Variants in ARIH2 observed in about 807,000 individuals in gnomAD.
ARIH2 encodes the protein ariadne RBR E3 ubiquitin protein ligase 2.
ARIH2 carries 12 observed loss-of-function variants against 79.8 expected under a neutral mutation model. The observed-to-expected ratio is 0.15, with a 90% CI of 0.10 to 0.24. ARIH2 has a LOEUF of 0.24. Among genes scored for constraint, ARIH2 ranks in the 10% least tolerant of loss-of-function variants. The pLI, the probability that ARIH2 is intolerant of heterozygous loss-of-function variation, is 1.00. For missense variants in ARIH2, 301 were observed against 618.3 expected (o/e 0.49, Z 5.44); for synonymous variants, 224 against 213.9 (o/e 1.05, Z -0.41).
At chr3:48,941,759 A>T (rs2088286049) in intron 3 of ARIH2, among the ~76,000 whole-genome samples, 3 of 149,606 alleles carry the variant, frequency 2.0e-5, no homozygotes, top group Admixed American at 2.0e-4. Flanking sequence ...CGCCCGGCTA[A>T]TTTTTTGTAT....
At chr3:48,941,574 T>C (rs1460341355) in intron 3 of ARIH2, among the ~76,000 whole-genome samples, 1 of 151,954 alleles carries the variant, frequency 6.6e-6, no homozygotes, top group East Asian at 1.9e-4. Context: ...TTATGAACTA[T>C]TGATTTTTCT....
Position 48,968,628 on chromosome 3 carries a change from G to C in ARIH2, c.633G>C (p.Arg211Ser), listed in dbSNP as rs778037511. 60 of 1,610,954 alleles carry C rather than the reference G, an allele frequency of 3.7e-5. No homozygotes were observed. In the South Asian group the frequency reaches 5.8e-4, roughly 16 times the overall value. ...LPNEELREKY[R>S]RYLFRDYVES... is the part of the protein sequence containing the mutation. ...ATGAAGAATTGAGAGAGAAATACAG[G>C]CGCTACCTCTTCAGGGACTATGTGG... Residue 211 changes from arginine to serine, a missense_variant, in exon 7 of 16, where the codon AGG becomes AGC. Physicochemically the swap from Arg to Ser is moderately radical, Grantham distance 110. Coordinates refer to ENST00000356401, the MANE Select transcript of ARIH2 (RefSeq NM_006321.4).
intron 3 of ARIH2, among the ~76,000 whole-genome samples, chr3:48,929,112 A>T (rs2086027362): frequency 6.6e-6 from 1 of 152,236 alleles, no homozygotes; most frequent in African/African-American, 2.4e-5. Context: ...TGGTATTTAA[A>T]ATAAGAAAAG....
At chr3:48,969,612 C>T (rs930826603) in intron 7 of ARIH2, among the ~76,000 whole-genome samples, 4 of 151,670 alleles carry the variant, frequency 2.6e-5, no homozygotes, top group East Asian at 1.9e-4. Flanking sequence ...CTTAGCCTCC[C>T]GAGCAACTGG....
At chr3:48,940,226 T>C (rs1203526526) in intron 3 of ARIH2, among the ~76,000 whole-genome samples, 1 of 151,474 alleles carries the variant, frequency 6.6e-6, no homozygotes, top group Non-Finnish European at 1.5e-5. Context: ...AAAAATTAGC[T>C]GGGCGTGGTG....
intron 1 of ARIH2, among the ~76,000 whole-genome samples, chr3:48,920,168 A>G (rs1260922053): frequency 6.6e-6 from 1 of 151,730 alleles, no homozygotes; most frequent in Non-Finnish European, 1.5e-5. Context: ...TTTTGTGGAT[A>G]CGTGATCTTA....
chr3:48,936,149 G>A (rs2087082160), intron 3 of ARIH2, among the ~76,000 whole-genome samples: 2 of 151,574 alleles, frequency 1.3e-5, no homozygotes. Context: ...GGGGGTTCTT[G>A]TTATTGAGAC....
chr3:48,953,785 C>T (rs1363797926), intron 3 of ARIH2, among the ~76,000 whole-genome samples: 1 of 152,100 alleles, frequency 6.6e-6, no homozygotes, highest in Non-Finnish European at 1.5e-5. Flanking sequence ...CAGCCTCTAC[C>T]TCCTGGGCTC....
At chr3:48,956,723 G>A (rs1282548352) in intron 3 of ARIH2, among the ~76,000 whole-genome samples, 1 of 150,852 alleles carries the variant, frequency 6.6e-6, no homozygotes, top group Admixed American at 6.6e-5. Flanking sequence ...TTTTGAGATG[G>A]AGTTTTGCTC....
At chr3:48,930,614 G>A (rs2086240633) in intron 3 of ARIH2, among the ~76,000 whole-genome samples, 1 of 152,028 alleles carries the variant, frequency 6.6e-6, no homozygotes, top group Non-Finnish European at 1.5e-5. Flanking sequence ...TACCACTCCT[G>A]GCCTGTTTTT....
intron 13 of ARIH2, among the ~76,000 whole-genome samples, chr3:48,981,078 C>T (rs1170061809): frequency 6.8e-6 from 1 of 148,000 alleles, no homozygotes; most frequent in Non-Finnish European, 1.5e-5. Flanking sequence ...GCCTATGATC[C>T]CAGCACTTCG....
intron 11 of ARIH2, among the ~76,000 whole-genome samples, chr3:48,978,734 C>T (rs1280509724): frequency 6.6e-6 from 1 of 151,410 alleles, no homozygotes; most frequent in Non-Finnish European, 1.5e-5. Flanking sequence ...CAGAGATGGG[C>T]GAATCACTGA....
At chr3:48,975,147 G>GT (rs1270209119) in intron 11 of ARIH2, 168 bp downstream of exon 11, 5 of 1,176,246 alleles carry the variant, frequency 4.3e-6, no homozygotes, top group Non-Finnish European at 5.9e-6. Context: ...TTTATTTTCT[G>GT]TTTTTTGGTC....
chr3:48,968,689 C>T, intron 7 of ARIH2, 34 bp downstream of exon 7: 1 of 1,592,890 alleles, frequency 6.3e-7, no homozygotes, highest in Admixed American at 1.7e-5. Context: ...CTCTGTCTTC[C>T]CGGGCCTACC....
At chr3:48,967,062 G>T in intron 5 of ARIH2, 63 bp from the exon 6 acceptor site, 2 of 1,554,558 alleles carry the variant, frequency 1.3e-6, no homozygotes, top group Non-Finnish European at 1.8e-6. Context: ...GGCTGCATGA[G>T]GTACCCTTAT....
chr3:48,940,808 A>AAAAAAAAAAT (rs759369585), intron 3 of ARIH2, among the ~76,000 whole-genome samples: 11 of 98,062 alleles, frequency 1.1e-4, no homozygotes, highest in African/African-American at 4.1e-4. Context: ...AAAAAAAAAA[A>AAAAAAAAAAT]ATATATATAT....
At chr3:48,934,603 C>T in intron 3 of ARIH2, 2 of 985,386 alleles carry the variant, frequency 2.0e-6, no homozygotes, top group Non-Finnish European at 2.4e-6. Flanking sequence ...TCCTGCGTTT[C>T]AAATAGCTGG....
intron 3 of ARIH2, among the ~76,000 whole-genome samples, chr3:48,939,280 G>T (rs1465769700): frequency 6.6e-6 from 1 of 151,720 alleles, no homozygotes; most frequent in Non-Finnish European, 1.5e-5. Flanking sequence ...TTTAAGAAAT[G>T]AGATAAACTG....
intron 3 of ARIH2, among the ~76,000 whole-genome samples, chr3:48,948,079 G>C (rs1315108688): frequency 6.6e-6 from 1 of 152,002 alleles, no homozygotes; most frequent in East Asian, 1.9e-4. Flanking sequence ...TCCTGCCTCA[G>C]CCTCCTGAGT....
Sources: allele counts gnomAD v4.1 joint callset (sites outside exome capture counted in the v4.1 genomes callset), GRCh38; gene constraint gnomAD v4.1.1; transcripts MANE v1.5; gene names NCBI Gene and HGNC (gene_info 2026-07-23, HGNC 2026-07-21).